The following CACNA2D3 variants were observed in gnomAD, a reference collection of about 807,000 sequenced individuals.
CACNA2D3 encodes the protein voltage-dependent calcium channel subunit alpha-2/delta-3.
Under a neutral mutation model 160.6 loss-of-function variants are expected in CACNA2D3, and 60 were observed. That is an observed-to-expected ratio of 0.37 (90% CI 0.30 to 0.46). CACNA2D3 has a LOEUF of 0.46. Among genes scored for constraint, CACNA2D3 ranks in the 20% least tolerant of loss-of-function variants. CACNA2D3 has a pLI of 1.00. For synonymous variants in CACNA2D3, 558 were observed against 492.9 expected (o/e 1.13, Z -1.75); for missense variants, 1,205 against 1,365.0 (o/e 0.88, Z 1.85).
chr3:54,719,884 T>C (rs191583500), intron 11 of CACNA2D3, among the ~76,000 whole-genome samples: 1 of 152,156 alleles, frequency 6.6e-6, no homozygotes, highest in Non-Finnish European at 1.5e-5. Flanking sequence ...GTTGTGCTTT[T>C]TGAGGAATGT....
rs756481420 is a variant in CACNA2D3, at chr3:54,925,001, T to C, written c.2449+25133T>C. ...TGGACAAGTTTAAGGTCATGAGCCA[T>C]GGCACTGACCTAAATGCAAAAGCAG... On this transcript the variant is annotated intron_variant, in intron 27 of 37. Coordinates refer to ENST00000474759, the MANE Select transcript of CACNA2D3 (RefSeq NM_018398.3). 2.5e-6 allele frequency: 4 copies of C among 1,614,062 alleles called. No homozygotes were observed. The Admixed American group carries it at 6.7e-5, about 27-fold the overall frequency.
At chr3:54,483,126 A>G (rs939058773) in intron 4 of CACNA2D3, among the ~76,000 whole-genome samples, 4 of 152,336 alleles carry the variant, frequency 2.6e-5, no homozygotes, top group African/African-American at 7.2e-5. Context: ...TTGCTATTTT[A>G]AATTAATTGA....
intron 2 of CACNA2D3, among the ~76,000 whole-genome samples, chr3:54,132,117 A>G (rs900425311): frequency 1.3e-5 from 2 of 152,216 alleles, no homozygotes; most frequent in African/African-American, 4.8e-5. Context: ...GTGCAATATG[A>G]CTGCGTCATG....
intron 17 of CACNA2D3, among the ~76,000 whole-genome samples, chr3:54,854,647 G>C (rs62254522): frequency 0.31 from 47,484 of 152,086 alleles, 9,561 homozygotes; most frequent in Admixed American, 0.51. Context: ...GCCTTGTGCT[G>C]AGAGCCCTGG....
chr3:54,199,592 A>G (rs1256759663), intron 2 of CACNA2D3, among the ~76,000 whole-genome samples: 1 of 149,626 alleles, frequency 6.7e-6, no homozygotes, highest in African/African-American at 2.5e-5. Flanking sequence ...AGGCTGTCCT[A>G]GAACTCCTAT....
rs539945111 is a variant in CACNA2D3 at position 54,604,859 on chromosome 3, C to T, written c.964-22928C>T. 2.3e-4 allele frequency among the ~76,000 whole-genome samples: 35 copies of T among 152,300 alleles called. 1 individual carries two copies. The Middle Eastern group carries it at 0.01, about 44-fold the overall frequency. On this transcript the variant is annotated intron_variant, in intron 9 of 37. Transcript: ENST00000474759. ...ATCACATCCCTTCTGTAGTCAACAT[C>T]TCATGAAGGCCGTACTGCTGGAGTA...
At chr3:54,941,158 T>G (rs1004461174) in intron 27 of CACNA2D3, among the ~76,000 whole-genome samples, 2 of 152,232 alleles carry the variant, frequency 1.3e-5, no homozygotes, top group Non-Finnish European at 2.9e-5. Flanking sequence ...CCAGTTAAAG[T>G]AACTTAAACA....
chr3:54,524,872 C>T (rs1372164449), intron 5 of CACNA2D3, among the ~76,000 whole-genome samples: 1 of 151,956 alleles, frequency 6.6e-6, no homozygotes, highest in African/African-American at 2.4e-5. Context: ...TTGCTTTTAG[C>T]CTGTTTGTAT....
chr3:54,297,539 C>T (rs577355404), intron 2 of CACNA2D3, among the ~76,000 whole-genome samples: 25 of 152,180 alleles, frequency 1.6e-4, no homozygotes, highest in Admixed American at 9.2e-4. Flanking sequence ...GTTTTCTCAC[C>T]TGTTTTTAAC....
chr3:54,565,575 A>G (rs942012537), intron 6 of CACNA2D3, among the ~76,000 whole-genome samples: 1 of 152,208 alleles, frequency 6.6e-6, no homozygotes, highest in African/African-American at 2.4e-5. Flanking sequence ...CACTAATGTC[A>G]CTGGCCACAC....
chr3:54,786,934 C>G (rs999164941), intron 13 of CACNA2D3, among the ~76,000 whole-genome samples: 1 of 152,188 alleles, frequency 6.6e-6, no homozygotes, highest in South Asian at 2.1e-4. Context: ...AACTTGCTAT[C>G]ACTTTTGGTA....
At chr3:54,292,365 A>G (rs148810117) in intron 2 of CACNA2D3, among the ~76,000 whole-genome samples, 7 of 152,324 alleles carry the variant, frequency 4.6e-5, no homozygotes, top group African/African-American at 1.7e-4. Flanking sequence ...TGTGCTTTCA[A>G]GAACACTATC....
At chr3:54,479,359 G>A (rs528707077) in intron 4 of CACNA2D3, among the ~76,000 whole-genome samples, 2 of 152,180 alleles carry the variant, frequency 1.3e-5, no homozygotes, top group East Asian at 1.9e-4. Flanking sequence ...AATACAATAG[G>A]GTTCAGTACT....
intron 4 of CACNA2D3, among the ~76,000 whole-genome samples, chr3:54,502,466 A>G (rs1701309371): frequency 6.6e-6 from 1 of 152,216 alleles, no homozygotes; most frequent in Non-Finnish European, 1.5e-5. Context: ...CTAGCATTTC[A>G]CATTGATTCT....
Position 54,832,011 on chromosome 3 carries a change from TCACACACACACACACACA to T in CACNA2D3, c.1399-5120_1399-5103del, listed in dbSNP as rs60020847. 1.1e-3 allele frequency among the ~76,000 whole-genome samples: 130 copies of T among 118,954 alleles called. 1 individual carries two copies. The highest frequency in any genetic ancestry group is 1.2e-3 in the Non-Finnish European group (68 of 57,796). 78.0% of individuals were successfully genotyped at this position (118,954 alleles called of 152,430 possible). A position where few individuals can be genotyped will look rare whatever the true frequency, so the allele number is the denominator to read the frequency against. On this transcript the variant is annotated intron_variant, in intron 14 of 37. Transcript: ENST00000474759. ...TCCCTCTTTATCTCTCTCTTCTCTG[TCACACACACACACACACA>T]CACACACACACACACACACACACAC...
rs867419331 is a variant in CACNA2D3 at position 54,898,595 on chromosome 3, A to G, written c.2369-1193A>G. On this transcript the variant is annotated intron_variant, in intron 26 of 37. Transcript: ENST00000474759. Reference sequence around the variant, plus strand: ...AACTTTTTCATTCTGCTGCAGACCTATGAATAATAACATTGTCTTCTGTCA... The same window carrying G: ...AACTTTTTCATTCTGCTGCAGACCTGTGAATAATAACATTGTCTTCTGTCA... 5.0e-4 allele frequency among the ~76,000 whole-genome samples: 76 copies of G among 152,192 alleles called. 1 individual carries two copies. Among genetic ancestry groups the G allele is most frequent in the African/African-American group, 1.4e-3 (57 of 41,450 alleles).
intron 13 of CACNA2D3, among the ~76,000 whole-genome samples, chr3:54,814,243 T>C (rs1703399870): frequency 6.6e-6 from 1 of 152,192 alleles, no homozygotes; most frequent in Admixed American, 6.5e-5. Context: ...CATCCAGCCG[T>C]TGCTAATTAG....
intron 2 of CACNA2D3, among the ~76,000 whole-genome samples, chr3:54,163,567 G>A (rs1326567801): frequency 1.3e-5 from 2 of 152,192 alleles, no homozygotes; most frequent in Non-Finnish European, 2.9e-5. Context: ...ACATGGCCAA[G>A]CCTGATAGCA....
At chr3:54,749,193 G>GA (rs1481963024) in intron 11 of CACNA2D3, among the ~76,000 whole-genome samples, 3 of 151,966 alleles carry the variant, frequency 2.0e-5, no homozygotes, top group African/African-American at 7.2e-5. Context: ...GCCACTTTTA[G>GA]AAAAAAATAG....
Sources: gnomAD v4.1 joint callset for allele counts (sites outside exome capture counted in the v4.1 genomes callset) on GRCh38, gnomAD v4.1.1 for gene constraint, MANE v1.5 for transcripts, NCBI Gene and HGNC (gene_info 2026-07-23, HGNC 2026-07-21) for gene names.